The following MED13 variants were observed in gnomAD, a reference collection of about 807,000 sequenced individuals.
The protein encoded by MED13 is mediator complex subunit 13, also known as mediator of RNA polymerase II transcription subunit 13.
A neutral mutation model predicts 225.2 loss-of-function variants in MED13; 23 were observed. That is an observed-to-expected ratio of 0.10 (90% CI 0.07 to 0.14). The LOEUF is 0.14. MED13 is among the 10% of genes least tolerant of loss of function. The probability of loss-of-function intolerance (pLI) is 1.00; values close to 1 mark genes in which losing one functional copy is unlikely to be tolerated. For synonymous variants in MED13, 942 were observed against 889.2 expected (o/e 1.06, Z -1.06); for missense variants, 2,197 against 2,594.5 (o/e 0.85, Z 3.33).
chr17:61,990,627 G>GTGTATATATATATATATATATATA (rs906431943), intron 11 of MED13, among the ~76,000 whole-genome samples: 4 of 139,008 alleles, frequency 2.9e-5, no homozygotes, highest in African/African-American at 5.5e-5. Flanking sequence ...GGCGCACTGT[G>GTGTATATATATATATATATATATA]TATATATATA....
intron 8 of MED13, among the ~76,000 whole-genome samples, chr17:62,019,778 T>C (rs2080620518): frequency 6.6e-6 from 1 of 151,534 alleles, no homozygotes; most frequent in Non-Finnish European, 1.5e-5. Context: ...AGCCTCGCTC[T>C]TGTCACCCAG....
chr17:61,956,630 C>A, intron 23 of MED13, 149 bp from the exon 24 acceptor site: 1 of 687,430 alleles, frequency 1.5e-6, no homozygotes, highest in Non-Finnish European at 2.3e-6. Flanking sequence ...CCTCCACCTT[C>A]ACGGGTTTAA....
rs748186997 is a variant in MED13 at position 61,972,876 on chromosome 17, T to C, written c.3818A>G (p.Gln1273Arg). The change falls in exon 17 of 30, where the codon CAG becomes CGG. Residue 1273 changes from glutamine (Q) to arginine (R), a missense_variant. This residue lies in a region of MED13 where 203 missense variants were observed against 209.7 expected (regional missense o/e 0.97). Coordinates refer to ENST00000397786, the MANE Select transcript of MED13 (RefSeq NM_005121.3). Reference protein sequence around the residue: ...PWSKRNDVSMQCSQDILRMLL... With the variant: ...PWSKRNDVSMRCSQDILRMLL... ...CATTCGAAGTATATCCTGTGAGCAC[T>C]GCATACTCACATCTACAAGCATTTT... 92 of 1,590,658 alleles carry C rather than the reference T, an allele frequency of 5.8e-5. No homozygotes were observed. Among genetic ancestry groups the C allele is most frequent in the Non-Finnish European group, 7.4e-5 (87 of 1,173,428 alleles).
At chr17:62,045,067 A>G (rs944271308) in intron 3 of MED13, among the ~76,000 whole-genome samples, 3 of 152,234 alleles carry the variant, frequency 2.0e-5, no homozygotes, top group Non-Finnish European at 4.4e-5. Context: ...AATTATATAT[A>G]GTTGAGGGAA....
At chr17:61,954,398 T>C (rs553747139) in intron 26 of MED13, among the ~76,000 whole-genome samples, 2 of 152,340 alleles carry the variant, frequency 1.3e-5, no homozygotes, top group Non-Finnish European at 2.9e-5. Context: ...ATAAGAGATA[T>C]ATAAAATGAG....
chr17:62,031,358 CTA>C (rs747908984), intron 6 of MED13, 84 bp downstream of exon 6: 2 of 1,165,754 alleles, frequency 1.7e-6, no homozygotes. Context: ...AAGTTTGAAA[CTA>C]TTTCAAAATA....
At chr17:62,046,861 ATTT>A (rs572223238) in intron 3 of MED13, among the ~76,000 whole-genome samples, 1 of 146,550 alleles carries the variant, frequency 6.8e-6, no homozygotes, top group Non-Finnish European at 1.5e-5. Flanking sequence ...TATAATTTCA[ATTT>A]TTTTTTTTTA....
At chr17:61,991,263 C>G (rs191807885) in intron 11 of MED13, among the ~76,000 whole-genome samples, 8 of 152,104 alleles carry the variant, frequency 5.3e-5, no homozygotes, top group African/African-American at 1.9e-4. Flanking sequence ...GGATTACAGG[C>G]ACCTGGCACC....
intron 23 of MED13, among the ~76,000 whole-genome samples, chr17:61,958,069 T>A (rs1365812927): frequency 6.6e-6 from 1 of 151,462 alleles, no homozygotes; most frequent in Non-Finnish European, 1.5e-5. Flanking sequence ...TTTCACTGTG[T>A]TAGCCAGGAT....
chr17:61,987,461 A>C (rs954522809), intron 11 of MED13, among the ~76,000 whole-genome samples: 3 of 152,014 alleles, frequency 2.0e-5, no homozygotes, highest in Non-Finnish European at 4.4e-5. Flanking sequence ...ACAAAAAAAA[A>C]CCTGCTACTA....
At chr17:61,979,440 G>C (rs1162412269) in intron 16 of MED13, among the ~76,000 whole-genome samples, 1 of 152,002 alleles carries the variant, frequency 6.6e-6, no homozygotes, top group East Asian at 1.9e-4. Flanking sequence ...CTCCCAAGTA[G>C]CTGAGACTAC....
intron 11 of MED13, among the ~76,000 whole-genome samples, chr17:61,990,559 A>G (rs371551747): frequency 5.5e-4 from 83 of 150,386 alleles, no homozygotes; most frequent in African/African-American, 1.9e-3. Flanking sequence ...TATATTTTTT[A>G]GTATGTGTGT....
intron 2 of MED13, among the ~76,000 whole-genome samples, chr17:62,058,325 C>T (rs1387499502): frequency 6.6e-6 from 1 of 151,946 alleles, no homozygotes; most frequent in South Asian, 2.1e-4. Flanking sequence ...ACCAGCCTGG[C>T]CAACATGGCG....
chr17:62,049,049 G>A (rs546352456), intron 3 of MED13, among the ~76,000 whole-genome samples: 2 of 115,066 alleles, frequency 1.7e-5, no homozygotes, highest in African/African-American at 4.0e-5. Flanking sequence ...CTACTCTCAG[G>A]TTGGGCACCA....
chr17:61,985,839 T>C (rs900036143), intron 12 of MED13, among the ~76,000 whole-genome samples: 3 of 152,198 alleles, frequency 2.0e-5, no homozygotes, highest in Non-Finnish European at 4.4e-5. Flanking sequence ...TTATTTATAC[T>C]TTCACCTTGT....
intron 2 of MED13, among the ~76,000 whole-genome samples, chr17:62,062,578 A>AAC (rs577585046): frequency 2.5e-4 from 33 of 134,552 alleles, no homozygotes; most frequent in African/African-American, 6.4e-4. Flanking sequence ...CATGCCTTAA[A>AAC]ACACACACAC....
chr17:62,040,600 T>C (rs1222035285), intron 3 of MED13, among the ~76,000 whole-genome samples: 1 of 152,176 alleles, frequency 6.6e-6, no homozygotes, highest in Non-Finnish European at 1.5e-5. Context: ...GATATCCCAT[T>C]TGCCAGTAGA....
intron 17 of MED13, among the ~76,000 whole-genome samples, chr17:61,972,493 C>T (rs944404347): frequency 3.3e-5 from 5 of 151,806 alleles, no homozygotes; most frequent in Non-Finnish European, 5.9e-5. Context: ...GAGGGAAAGC[C>T]CCCTATGTGT....
intron 15 of MED13, among the ~76,000 whole-genome samples, chr17:61,983,602 T>A (rs2080223178): frequency 6.6e-6 from 1 of 152,114 alleles, no homozygotes; most frequent in African/African-American, 2.4e-5. Context: ...ATGTGAAAAG[T>A]GTGGAAAAGA....
Sources: gnomAD v4.1 joint callset for allele counts (sites outside exome capture counted in the v4.1 genomes callset) on GRCh38, gnomAD v4.1.1 for gene constraint, gnomAD v4.1.1 regional missense constraint, MANE v1.5 for transcripts, NCBI Gene and HGNC (gene_info 2026-07-23, HGNC 2026-07-21) for gene names.